DNAI1: variants seen among roughly 807,000 people sequenced by gnomAD.
The protein encoded by DNAI1 is dynein axonemal intermediate chain 1.
A neutral mutation model predicts 92.0 loss-of-function variants in DNAI1; 67 were observed. The observed-to-expected ratio is 0.73, with a 90% CI of 0.60 to 0.89. The LOEUF (loss-of-function observed/expected upper bound fraction) is 0.89, where lower values mean the gene tolerates loss of function less well. Among genes scored for constraint, DNAI1 ranks in the 40% least tolerant of loss-of-function variants. The pLI, the probability that DNAI1 is intolerant of heterozygous loss-of-function variation, is 0.00. For missense variants in DNAI1, 839 were observed against 866.6 expected, an observed-to-expected ratio of 0.97 and a Z score of 0.40; for synonymous variants, 323 against 319.6, an observed-to-expected ratio of 1.01 and a Z score of -0.11.
At chr9:34,491,407 C>T (rs939036462) in intron 7 of DNAI1, 88 bp from the exon 8 acceptor site, 49 of 1,478,276 alleles carry the variant, frequency 3.3e-5, no homozygotes, top group Non-Finnish European at 4.3e-5. Flanking sequence ...CAGCCCCAGC[C>T]AAAATGCTTC....
chr9:34,485,049 G>GTATGTA, intron 2 of DNAI1, 93 bp from the exon 3 acceptor site: 1 of 1,227,216 alleles, frequency 8.1e-7, no homozygotes, highest in African/African-American at 1.5e-5. Flanking sequence ...GGCAGAGCTT[G>GTATGTA]GCTTCTGGGA....
At chr9:34,490,526 C>T (rs1420068825) in intron 7 of DNAI1, 38 bp downstream of exon 7, 2 of 1,613,322 alleles carry the variant, frequency 1.2e-6, no homozygotes, top group East Asian at 4.5e-5. Flanking sequence ...TGCAGCTCTT[C>T]ACTGTGCCTG....
rs750194621 is a variant in DNAI1, at chr9:34,493,299, A to G, written c.787A>G (p.Met263Val). The G allele has an allele frequency of 1.9e-6, 3 of 1,614,152 alleles. No homozygotes were observed. Among genetic ancestry groups the G allele is most frequent in the East Asian group, 2.2e-5 (1 of 44,886 alleles). ...GGCTAAAAAATCAGGGAAGATGGCCATGAGGAAGCTGACATCTATGGAGTC... is the reference window on the plus strand; with the variant it reads ...GGCTAAAAAATCAGGGAAGATGGCCGTGAGGAAGCTGACATCTATGGAGTC... ...PVAKKSGKMA[M>V]RKLTSMESQT... Residue 263 changes from methionine to valine, a missense_variant, in exon 9 of 20, where the codon ATG (methionine) becomes GTG (valine). Coordinates refer to ENST00000242317, the MANE Select transcript of DNAI1 (RefSeq NM_012144.4).
intron 12 of DNAI1, among the ~76,000 whole-genome samples, chr9:34,502,053 G>A (rs978406445): frequency 1.2e-4 from 18 of 152,172 alleles, no homozygotes; most frequent in Admixed American, 8.5e-4. Context: ...ATCAGCTTCT[G>A]CAAACACAAA....
At chr9:34,483,613 C>G in intron 2 of DNAI1, 133 bp downstream of exon 2, 1 of 792,454 alleles carries the variant, frequency 1.3e-6, no homozygotes, top group South Asian at 1.6e-5. Context: ...TTAAACCTAC[C>G]ACCTTATAAT....
chr9:34,499,109 C>T (rs1824777813), intron 10 of DNAI1, among the ~76,000 whole-genome samples: 1 of 152,162 alleles, frequency 6.6e-6, no homozygotes, highest in Non-Finnish European at 1.5e-5. Context: ...AAAGTGTAAT[C>T]ATGAAGGAGA....
At chr9:34,464,089 C>G (rs529132346) in intron 1 of DNAI1, among the ~76,000 whole-genome samples, 6 of 152,288 alleles carry the variant, frequency 3.9e-5, no homozygotes, top group African/African-American at 1.4e-4. Flanking sequence ...AATTAAACTA[C>G]TTTTTTTCAT....
At chr9:34,463,368 G>A (rs1264262537) in intron 1 of DNAI1, among the ~76,000 whole-genome samples, 1 of 152,152 alleles carries the variant, frequency 6.6e-6, no homozygotes, top group Admixed American at 6.5e-5. Flanking sequence ...GGTCATTATG[G>A]AGCTCCATAA....
intron 4 of DNAI1, 34 bp from the exon 5 acceptor site, chr9:34,489,289 G>T (rs775990185): frequency 6.2e-7 from 1 of 1,613,120 alleles, no homozygotes; most frequent in Non-Finnish European, 8.5e-7. Context: ...CTCTTTTAGG[G>T]ATCCCTGGTC....
chr9:34,503,219 G>C (rs572775546), intron 12 of DNAI1, among the ~76,000 whole-genome samples: 1 of 152,174 alleles, frequency 6.6e-6, no homozygotes, highest in Non-Finnish European at 1.5e-5. Flanking sequence ...GGCCTGAATA[G>C]AACCAGGCTG....
At chr9:34,499,010 T>C (rs1824776198) in intron 10 of DNAI1, among the ~76,000 whole-genome samples, 1 of 152,250 alleles carries the variant, frequency 6.6e-6, no homozygotes, top group African/African-American at 2.4e-5. Context: ...AAATTGGCCT[T>C]GGTGAACCAC....
At chr9:34,509,697 A>G (rs1012602455) in intron 13 of DNAI1, among the ~76,000 whole-genome samples, 3 of 152,168 alleles carry the variant, frequency 2.0e-5, no homozygotes, top group Non-Finnish European at 1.5e-5. Context: ...GGAGACAGAA[A>G]TGAGAAGACA....
At chr9:34,468,983 G>A (rs998867499) in intron 1 of DNAI1, among the ~76,000 whole-genome samples, 2 of 152,058 alleles carry the variant, frequency 1.3e-5, no homozygotes, top group African/African-American at 4.8e-5. Flanking sequence ...GAGGGAAAAA[G>A]AGGAAGAAAA....
chr9:34,464,025 T>A (rs1823994379), intron 1 of DNAI1, among the ~76,000 whole-genome samples: 2 of 152,176 alleles, frequency 1.3e-5, no homozygotes, highest in Admixed American at 1.3e-4. Context: ...TACACATATA[T>A]TCCTTAAGCC....
At chr9:34,497,981 A>G (rs1160860011) in intron 10 of DNAI1, among the ~76,000 whole-genome samples, 1 of 152,200 alleles carries the variant, frequency 6.6e-6, no homozygotes, top group Non-Finnish European at 1.5e-5. Context: ...TCATGCAAGG[A>G]ATGTGACCTA....
At chr9:34,495,607 G>A (rs1824706059) in intron 9 of DNAI1, among the ~76,000 whole-genome samples, 1 of 152,182 alleles carries the variant, frequency 6.6e-6, no homozygotes, top group Non-Finnish European at 1.5e-5. Flanking sequence ...GAGCTGGGAG[G>A]AGTCACCCGA....
intron 4 of DNAI1, 55 bp from the exon 5 acceptor site, chr9:34,489,268 T>G: frequency 6.2e-7 from 1 of 1,606,998 alleles, no homozygotes; most frequent in Non-Finnish European, 8.5e-7. Flanking sequence ...CAGATTACAT[T>G]TTGACTCCAG....
At chr9:34,481,780 T>C (rs1437650308) in intron 1 of DNAI1, among the ~76,000 whole-genome samples, 1 of 151,714 alleles carries the variant, frequency 6.6e-6, no homozygotes, top group Non-Finnish European at 1.5e-5. Flanking sequence ...GGCTCAGGAG[T>C]GAAGCTGCAG....
intron 10 of DNAI1, among the ~76,000 whole-genome samples, chr9:34,498,185 A>G (rs1437013335): frequency 6.6e-6 from 1 of 152,224 alleles, no homozygotes. Flanking sequence ...GAACAGTTAT[A>G]ATAGTGAGAA....
Sources: allele counts gnomAD v4.1 joint callset (sites outside exome capture counted in the v4.1 genomes callset), GRCh38; gene constraint gnomAD v4.1.1; transcripts MANE v1.5; gene names NCBI Gene and HGNC (gene_info 2026-07-23, HGNC 2026-07-21).